Variants in PUDP observed in about 807,000 individuals in gnomAD.
The protein encoded by PUDP is pseudouridine 5'-phosphatase.
Under a neutral mutation model 9.4 loss-of-function variants are expected in PUDP, and 8 were observed. That is an observed-to-expected ratio of 0.85 (90% CI 0.50 to 1.53). PUDP has a LOEUF of 1.53. PUDP is among the 40% of genes most tolerant of loss of function. The pLI is 0.00. For missense variants in PUDP, 188 were observed against 189.7 expected, an observed-to-expected ratio of 0.99 and a Z score of 0.05; for synonymous variants, 99 against 80.7, an observed-to-expected ratio of 1.23 and a Z score of -1.22.
intron 1 of PUDP, among the ~76,000 whole-genome samples, chrX:7,004,526 T>C (rs1355225173): frequency 5.4e-5 from 6 of 112,108 alleles, no homozygotes; most frequent in African/African-American, 1.9e-4. Context: ...TCCCGAAATT[T>C]TCCATACAAA....
intron 3 of PUDP, among the ~76,000 whole-genome samples, chrX:6,862,087 T>C (rs1414829883): frequency 8.9e-6 from 1 of 111,757 alleles, no homozygotes; most frequent in Non-Finnish European, 1.9e-5. Flanking sequence ...CTTCCACAGA[T>C]GGAGCTTAAG....
intron 3 of PUDP, among the ~76,000 whole-genome samples, chrX:6,817,768 C>T (rs1400327923): frequency 9.0e-6 from 1 of 111,618 alleles, no homozygotes; most frequent in Non-Finnish European, 1.9e-5. Flanking sequence ...GTCTGCATTT[C>T]TTCATACTCT....
chrX:6,766,282 T>C (rs752038270), intron 3 of PUDP, among the ~76,000 whole-genome samples: 7 of 111,949 alleles, frequency 6.3e-5, no homozygotes, highest in Non-Finnish European at 1.1e-4. Context: ...AGAATAAATC[T>C]TGGAGTGCCA....
At chrX:6,741,029 C>A (rs991423652) in intron 3 of PUDP, among the ~76,000 whole-genome samples, 1 of 109,778 alleles carries the variant, frequency 9.1e-6, no homozygotes, top group African/African-American at 3.3e-5. Flanking sequence ...CGTGGTGGGG[C>A]ACACCTGTAA....
chrX:6,841,717 CAGTT>C (rs1926673673), intron 3 of PUDP, among the ~76,000 whole-genome samples: 2 of 112,478 alleles, frequency 1.8e-5, no homozygotes, highest in African/African-American at 6.5e-5. Flanking sequence ...TTGAAATCCA[CAGTT>C]AAAGATGACT....
intron 3 of PUDP, among the ~76,000 whole-genome samples, chrX:6,827,787 G>A (rs924916247): frequency 2.7e-5 from 3 of 112,083 alleles, no homozygotes; most frequent in African/African-American, 6.5e-5. Flanking sequence ...AAACACAGAA[G>A]AGCCTGTATA....
At chrX:7,064,746 C>T (rs139727997) in intron 3 of PUDP, among the ~76,000 whole-genome samples, 11 of 111,939 alleles carry the variant, frequency 9.8e-5, no homozygotes, top group African/African-American at 2.6e-4. Flanking sequence ...AAACTATAGA[C>T]ATGCAGCTCA....
chrX:7,024,592 T>TC (rs1491102120), intron 1 of PUDP, among the ~76,000 whole-genome samples: 4 of 36,314 alleles, frequency 1.1e-4, no homozygotes, highest in Non-Finnish European at 1.6e-4. Context: ...GCCTTCTCTC[T>TC]TTTTTTTTTT....
chrX:6,950,277 G>T (rs764579776), intron 3 of PUDP, among the ~76,000 whole-genome samples: 1 of 95,404 alleles, frequency 1.0e-5, no homozygotes, highest in African/African-American at 4.0e-5. Context: ...GGTGGAGGCT[G>T]CAATGAGCCT....
At chrX:6,815,174 A>G (rs974733009) in intron 3 of PUDP, among the ~76,000 whole-genome samples, 2 of 95,493 alleles carry the variant, frequency 2.1e-5, no homozygotes, top group African/African-American at 8.7e-5. Context: ...ATTGAAAATG[A>G]AAAAAAAAAA....
chrX:6,884,895 T>C (rs1217407161), intron 3 of PUDP, among the ~76,000 whole-genome samples: 2 of 112,207 alleles, frequency 1.8e-5, no homozygotes, highest in Admixed American at 1.9e-4. Flanking sequence ...CCAGTGAGTG[T>C]TTCTGTATAG....
intron 3 of PUDP, among the ~76,000 whole-genome samples, chrX:6,808,040 A>G (rs754881512): frequency 2.8e-4 from 31 of 112,007 alleles, no homozygotes; most frequent in Middle Eastern, 4.6e-3. Flanking sequence ...GAAGGGCAGC[A>G]TCTAAATGAG....
At chrX:6,830,050 C>T (rs1002698323) in intron 3 of PUDP, among the ~76,000 whole-genome samples, 2 of 110,032 alleles carry the variant, frequency 1.8e-5, no homozygotes, top group Admixed American at 2.0e-4. Context: ...CCTGTCAGTA[C>T]CAGAAAATAC....
At chrX:7,055,922 G>T (rs994146602) in intron 3 of PUDP, among the ~76,000 whole-genome samples, 1 of 111,806 alleles carries the variant, frequency 8.9e-6, no homozygotes, top group Non-Finnish European at 1.9e-5. Context: ...AGGGAAAGGA[G>T]GTTCACCCTG....
chrX:6,797,519 G>T (rs1054275624), intron 3 of PUDP, among the ~76,000 whole-genome samples: 1 of 111,575 alleles, frequency 9.0e-6, no homozygotes, highest in East Asian at 2.8e-4. Context: ...ATCTTGTAAG[G>T]ACACTTAAGC....
chrX:6,903,853 T>C (rs1927727020), intron 3 of PUDP, among the ~76,000 whole-genome samples: 1 of 110,292 alleles, frequency 9.1e-6, no homozygotes, highest in African/African-American at 3.3e-5. Context: ...GCTCACTACC[T>C]GAGTAACAAG....
At chrX:6,876,785 A>C (rs1025166535) in intron 3 of PUDP, among the ~76,000 whole-genome samples, 2 of 111,398 alleles carry the variant, frequency 1.8e-5, no homozygotes, top group East Asian at 5.7e-4. Context: ...ACCTATAGAC[A>C]TATATACATA....
At chrX:6,908,708 G>A (rs1927804690) in intron 3 of PUDP, among the ~76,000 whole-genome samples, 1 of 107,191 alleles carries the variant, frequency 9.3e-6, no homozygotes, top group Admixed American at 1.0e-4. Context: ...GTAAAGAGAG[G>A]CTTAGCATGA....
At chrX:7,127,881 C>T (rs1345358796) in intron 1 of PUDP, among the ~76,000 whole-genome samples, 1 of 112,108 alleles carries the variant, frequency 8.9e-6, no homozygotes, top group East Asian at 2.8e-4. Flanking sequence ...AAAAGAGTTT[C>T]ATTCTTTAAT....
Sources: allele counts gnomAD v4.1 joint callset (sites outside exome capture counted in the v4.1 genomes callset), GRCh38; gene constraint gnomAD v4.1.1; transcripts MANE v1.5; gene names NCBI Gene and HGNC (gene_info 2026-07-23, HGNC 2026-07-21).